Variants in SNX27 observed in about 807,000 individuals in gnomAD.
SNX27 encodes the protein sorting nexin 27.
Under a neutral mutation model 71.6 loss-of-function variants are expected in SNX27, and 22 were observed. The ratio of observed to expected loss-of-function variants is 0.31; its 90% CI spans 0.22 to 0.44. SNX27 has a LOEUF of 0.44. Ranked by LOEUF, SNX27 falls within the 20% of genes least tolerant of loss-of-function variation. The probability of loss-of-function intolerance (pLI) is 1.00; values close to 1 mark genes in which losing one functional copy is unlikely to be tolerated. For synonymous variants in SNX27, 269 were observed against 277.2 expected, an observed-to-expected ratio of 0.97 and a Z score of 0.29; for missense variants, 531 against 698.6, an observed-to-expected ratio of 0.76 and a Z score of 2.70.
intron 7 of SNX27, among the ~76,000 whole-genome samples, chr1:151,673,347 A>G (rs956770601): frequency 3.3e-5 from 5 of 152,060 alleles, no homozygotes; most frequent in Non-Finnish European, 4.4e-5. Flanking sequence ...TAATATCACT[A>G]TGGTCAGATA....
chr1:151,612,427 G>T lies in SNX27; in HGVS notation c.226G>T (p.Ala76Ser). Residue 76 changes from alanine to serine, a missense_variant, in exon 1 of 12, where the codon GCG becomes TCG. Transcript: ENST00000458013. The surrounding 1 kb of genome is among the most constrained non-coding windows in gnomAD (Gnocchi z 5.2). ...GCGGAGCATCAACGGGGAGCTGTAC[G>T]CGCCGCTGCAGCATGTGAGCGCCGT... ...QLRSINGELY[A>S]PLQHVSAVLP... 1 of 1,487,128 alleles carries T rather than the reference G, an allele frequency of 6.7e-7. No individual in the cohort carries two copies. Among genetic ancestry groups the T allele is most frequent in the Non-Finnish European group, 8.9e-7 (1 of 1,119,752 alleles). The allele number at this position is 1,487,128 out of a possible 1,614,324, so 92.1% of individuals were successfully genotyped here.
At chr1:151,663,986 G>C (rs560936262) in intron 5 of SNX27, among the ~76,000 whole-genome samples, 1 of 151,542 alleles carries the variant, frequency 6.6e-6, no homozygotes, top group South Asian at 2.1e-4. Flanking sequence ...GTCAACTAAC[G>C]CTATTTAATT....
chr1:151,679,524 G>A (rs1232018029), intron 7 of SNX27: 1 of 152,176 alleles, frequency 6.6e-6, no homozygotes, highest in Admixed American at 6.5e-5. Context: ...GAGAACAAGG[G>A]AGGATACCAC....
chr1:151,666,045 T>C, intron 6 of SNX27, 34 bp downstream of exon 6: 1 of 1,538,086 alleles, frequency 6.5e-7, no homozygotes, highest in Non-Finnish European at 9.0e-7. Context: ...AGTTTTGTTT[T>C]CTAATACTAT....
chr1:151,662,345 A>G, intron 5 of SNX27, 75 bp downstream of exon 5: 2 of 904,012 alleles, frequency 2.2e-6, no homozygotes, highest in East Asian at 2.7e-5. Flanking sequence ...AAGTCAATAC[A>G]TATAAAGTGC....
At chr1:151,671,695 C>T (rs1157189668) in intron 7 of SNX27, among the ~76,000 whole-genome samples, 1 of 151,970 alleles carries the variant, frequency 6.6e-6, no homozygotes, top group Non-Finnish European at 1.5e-5. Flanking sequence ...GTAGTGTGGA[C>T]ATTTTAACAA....
chr1:151,629,450 T>C (rs1280511563), intron 1 of SNX27: 3 of 109,524 alleles, frequency 2.7e-5, no homozygotes, highest in African/African-American at 1.0e-4. Context: ...TATATACACA[T>C]GTATATATAC....
intron 1 of SNX27, among the ~76,000 whole-genome samples, chr1:151,636,805 A>G (rs1025061910): frequency 2.0e-5 from 3 of 152,094 alleles, no homozygotes; most frequent in Non-Finnish European, 4.4e-5. Flanking sequence ...CAGAACTAGT[A>G]AGGCCAAATA....
intron 6 of SNX27, among the ~76,000 whole-genome samples, chr1:151,667,788 C>A (rs1301100465): frequency 7.1e-6 from 1 of 140,864 alleles, no homozygotes. Context: ...GATCCCGCCA[C>A]TGCACTCCAG....
intron 3 of SNX27, among the ~76,000 whole-genome samples, chr1:151,658,982 A>G (rs1034864036): frequency 4.6e-5 from 7 of 152,166 alleles, no homozygotes; most frequent in Non-Finnish European, 1.0e-4. Flanking sequence ...TTTTAGGGTT[A>G]TATTATCTGC....
Position 151,638,982 on chromosome 1 carries a change from C to T in SNX27, c.406C>T (p.Pro136Ser), listed in dbSNP as rs749569161. The change falls in exon 2 of 12, where the codon CCT becomes TCT. Residue 136 changes from proline to serine, a missense_variant. Pro to Ser is a moderately conservative substitution (Grantham distance 74, BLOSUM62 -1). Transcript: ENST00000458013. ...ATTGATCTTGACAGTGTTATCTGTA[C>T]CTCCTCATGAGGCAGATAACCTAGA... ...KELILTVLSVPPHEADNLDPS... is the reference protein window; with the variant it reads ...KELILTVLSVSPHEADNLDPS... 2 of 1,614,070 alleles carry T rather than the reference C, an allele frequency of 1.2e-6. No homozygotes were observed. Among genetic ancestry groups the T allele is most frequent in the East Asian group, 4.5e-5 (2 of 44,886 alleles).
chr1:151,692,863 C>A, intron 9 of SNX27, 48 bp from the exon 10 acceptor site: 1 of 1,611,868 alleles, frequency 6.2e-7, no homozygotes, highest in Non-Finnish European at 8.5e-7. Context: ...AGTTCCCCAG[C>A]ACTCTGAAAC....
intron 2 of SNX27, among the ~76,000 whole-genome samples, chr1:151,642,709 G>A (rs1347128543): frequency 1.3e-5 from 2 of 151,854 alleles, no homozygotes; most frequent in African/African-American, 4.8e-5. Context: ...CGCAATCTTG[G>A]CTCACTGCAA....
intron 1 of SNX27, among the ~76,000 whole-genome samples, chr1:151,616,111 A>G (rs1447768194): frequency 1.3e-5 from 2 of 152,206 alleles, no homozygotes; most frequent in African/African-American, 4.8e-5. Flanking sequence ...CCAGTGTAAC[A>G]TATACTGAGT....
intron 8 of SNX27, 126 bp downstream of exon 8, chr1:151,683,571 A>G: frequency 1.6e-6 from 1 of 618,598 alleles, no homozygotes. Context: ...AAAGGAGGGG[A>G]ATAGGGACCT....
At chr1:151,641,115 T>C (rs1465928412) in intron 2 of SNX27, among the ~76,000 whole-genome samples, 1 of 152,190 alleles carries the variant, frequency 6.6e-6, no homozygotes, top group Admixed American at 6.5e-5. Flanking sequence ...TTCATGCACA[T>C]GTGGGTTGTT....
intron 7 of SNX27, among the ~76,000 whole-genome samples, chr1:151,670,885 T>C (rs1625039): frequency 0.94 from 143,129 of 152,246 alleles, 67,793 homozygotes; most frequent in Non-Finnish European, 0.99. Context: ...AGAGTTTCCC[T>C]GATTTTTTCT....
intron 7 of SNX27, 56 bp from the exon 8 acceptor site, chr1:151,683,300 T>C (rs1671049948): frequency 7.2e-7 from 1 of 1,391,998 alleles, no homozygotes; most frequent in Non-Finnish European, 1.0e-6. Context: ...TCATCGAGAA[T>C]GTACATAATA....
At chr1:151,623,036 G>A (rs1220993360) in intron 1 of SNX27, among the ~76,000 whole-genome samples, 7 of 151,984 alleles carry the variant, frequency 4.6e-5, no homozygotes, top group African/African-American at 1.7e-4. Context: ...GCAGTGGTAT[G>A]ATCTCAGCTC....
Sources: allele counts gnomAD v4.1 joint callset (sites outside exome capture counted in the v4.1 genomes callset), GRCh38; gene constraint gnomAD v4.1.1; non-coding constraint Gnocchi (gnomAD v3.1); transcripts MANE v1.5; gene names NCBI Gene and HGNC (gene_info 2026-07-23, HGNC 2026-07-21).